Variants in MRPL19 observed in about 807,000 individuals in gnomAD.
MRPL19 encodes the protein large ribosomal subunit protein bL19m.
A neutral mutation model predicts 34.0 loss-of-function variants in MRPL19; 31 were observed. The observed-to-expected ratio is 0.91, with a 90% CI of 0.68 to 1.23. The LOEUF (loss-of-function observed/expected upper bound fraction) is 1.23, where lower values mean the gene tolerates loss of function less well. MRPL19 is among the 50% of genes most tolerant of loss of function. The pLI, the probability that MRPL19 is intolerant of heterozygous loss-of-function variation, is 0.00. For synonymous variants in MRPL19, 152 were observed against 127.7 expected (o/e 1.19, Z -1.28); for missense variants, 384 against 367.6 (o/e 1.04, Z -0.37).
chr2:75,657,447 T>C lies in MRPL19; in HGVS notation c.*2162T>C, dbSNP rs1678484487. The C allele has an allele frequency of 3.3e-5, 5 of 152,172 alleles. No individual in the cohort carries two copies. The highest frequency in any genetic ancestry group is 7.4e-5 in the Non-Finnish European group (5 of 68,020). The allele number at this position is 152,172 out of a possible 1,614,324, so 9.4% of individuals were successfully genotyped here. On this transcript the variant is annotated 3_prime_UTR_variant, in exon 6 of 6. Transcript: ENST00000393909. Reference sequence around the variant, plus strand: ...CTACTTCCTTGATCTTTTTCACTAATGATTATATAGTCATCTAACTACTGT... The same window carrying C: ...CTACTTCCTTGATCTTTTTCACTAACGATTATATAGTCATCTAACTACTGT...
At chr2:75,649,129 G>GATGA (rs919970736) in intron 2 of MRPL19, among the ~76,000 whole-genome samples, 1 of 152,180 alleles carries the variant, frequency 6.6e-6, no homozygotes, top group African/African-American at 2.4e-5. Flanking sequence ...AGAATCCAGA[G>GATGA]ATGAGATAGT....
chr2:75,655,167 T>TG lies in MRPL19; in HGVS notation c.762dup (p.Lys255GlufsTer12), dbSNP rs1036138405. On this transcript the variant is annotated frameshift_variant, in exon 6 of 6. Coordinates refer to ENST00000393909, the MANE Select transcript of MRPL19 (RefSeq NM_014763.4). LOFTEE classifies it high-confidence loss of function. ...GATCTTTGTTTAACTGAACAGCAAA[T>TG]GAAAGAAGCTCAGAAGTGGAATCAG... The TG allele has an allele frequency of 6.2e-7, 1 of 1,611,966 alleles. No homozygotes were observed. Among genetic ancestry groups the TG allele is most frequent in the African/African-American group, 1.3e-5 (1 of 74,574 alleles).
At chr2:75,647,274 G>T in intron 2 of MRPL19, 55 bp downstream of exon 2, 2 of 1,503,328 alleles carry the variant, frequency 1.3e-6, no homozygotes, top group Non-Finnish European at 1.8e-6. Flanking sequence ...GCGCGTGAGC[G>T]CGTTCGCGTT....
intron 2 of MRPL19, chr2:75,651,541 T>C: frequency 2.2e-6 from 1 of 462,276 alleles, no homozygotes. Context: ...AACCTTCATA[T>C]TCAAACTGGT....
Position 75,654,902 on chromosome 2 carries a change from A to C in MRPL19, c.642A>C (p.Lys214Asn). ...MKPVVQEPNQKVPVNELKVKM... is the reference protein window; with the variant it reads ...MKPVVQEPNQNVPVNELKVKM... ...CAGTAGTACAAGAGCCTAACCAAAA[A>C]GTTCCTGTTAATGAGGTATGGGTTA... Residue 214 changes from lysine to asparagine, a missense_variant, in exon 5 of 6, where the codon AAA becomes AAC. Transcript: ENST00000393909. 1 of 1,613,394 alleles carries C rather than the reference A, an allele frequency of 6.2e-7. No homozygotes were observed. Among genetic ancestry groups the C allele is most frequent in the Non-Finnish European group, 8.5e-7 (1 of 1,179,660 alleles).
In MRPL19 at chr2:75,652,537, G is replaced by A. The variant is rs201479406; in HGVS notation, c.355G>A (p.Val119Ile). ...PEFYVGSILRVTTADPYASGK... is the reference protein window; with the variant it reads ...PEFYVGSILRITTADPYASGK... ...TGAATTTGTAGGAAGTATTCTTCGT[G>A]TTACTACAGCTGACCCATATGCCAG... Residue 119 changes from valine (V) to isoleucine (I), a missense_variant, in exon 4 of 6, where the codon GTT becomes ATT. Transcript: ENST00000393909. The A allele has an allele frequency of 1.2e-4, 198 of 1,611,760 alleles. No individual in the cohort carries two copies. The highest frequency in any genetic ancestry group is 1.3e-4 in the Non-Finnish European group (150 of 1,179,336).
chr2:75,655,662 C>T lies in MRPL19; in HGVS notation c.*377C>T, dbSNP rs1205063370. On this transcript the variant is annotated 3_prime_UTR_variant, in exon 6 of 6. Coordinates refer to ENST00000393909, the MANE Select transcript of MRPL19 (RefSeq NM_014763.4). ...ACAGAATAATAAACATTCATGTACC[C>T]ACTATCAGGTTAAGAAATAGAACAT... 6.3e-6 allele frequency: 1 copy of T among 157,580 alleles called. No homozygotes were observed. Among genetic ancestry groups the T allele is most frequent in the Non-Finnish European group, 1.4e-5 (1 of 72,220 alleles). 9.8% of individuals were successfully genotyped at this position (157,580 alleles called of 1,614,324 possible).
At chr2:75,650,906 A>G (rs561289399) in intron 2 of MRPL19, among the ~76,000 whole-genome samples, 5 of 152,296 alleles carry the variant, frequency 3.3e-5, no homozygotes, top group African/African-American at 1.2e-4. Context: ...TAGCCTCTGG[A>G]CAGCACCTTC....
chr2:75,653,617 A>G (rs535871591), intron 4 of MRPL19, among the ~76,000 whole-genome samples: 38 of 152,336 alleles, frequency 2.5e-4, no homozygotes, highest in African/African-American at 7.9e-4. Context: ...TGCTTCCTGC[A>G]TTAGTGTTTC....
chr2:75,651,008 G>A (rs911299565), intron 2 of MRPL19, among the ~76,000 whole-genome samples: 10 of 152,172 alleles, frequency 6.6e-5, no homozygotes, highest in African/African-American at 2.2e-4. Context: ...GCTGTTCTGG[G>A]AAGATTCTTA....
At chr2:75,649,044 A>C (rs1295401069) in intron 2 of MRPL19, among the ~76,000 whole-genome samples, 3 of 152,216 alleles carry the variant, frequency 2.0e-5, no homozygotes, top group Non-Finnish European at 2.9e-5. Context: ...TGACAGAATA[A>C]GTTGTTCACA....
rs765286897 is a variant in MRPL19, at chr2:75,646,830, G to C, written c.23G>C (p.Gly8Ala). Residue 8 changes from glycine (G) to alanine (A), a missense_variant, in exon 1 of 6, where the codon GGG (glycine) becomes GCG (alanine). Physicochemically the swap from Gly to Ala is moderately conservative, Grantham distance 60 (BLOSUM62 0). Coordinates refer to ENST00000393909, the MANE Select transcript of MRPL19 (RefSeq NM_014763.4). The part of the protein sequence containing the change: MAACIAA[G>A]HWAAMGLGRS... ...GGCATGGCGGCCTGCATTGCAGCGG[G>C]GCACTGGGCTGCAATGGGCCTAGGC... is the stretch of plus-strand genomic sequence containing the variant. The C allele has an allele frequency of 8.4e-5, 133 of 1,574,702 alleles. No homozygotes were observed. The highest frequency in any genetic ancestry group is 1.1e-4 in the Non-Finnish European group (127 of 1,159,988).
intron 2 of MRPL19, among the ~76,000 whole-genome samples, chr2:75,650,863 A>G (rs2104127646): frequency 6.6e-6 from 1 of 152,320 alleles, no homozygotes; most frequent in Admixed American, 6.5e-5. Context: ...TACAACCACG[A>G]GACCCCAGGA....
rs1678519029 is a variant in MRPL19, at chr2:75,658,535, GATA to G, written c.*3253_*3255del. On this transcript the variant is annotated 3_prime_UTR_variant, in exon 6 of 6. Coordinates refer to ENST00000393909, the MANE Select transcript of MRPL19 (RefSeq NM_014763.4). ...GTATACATCTTGAGTAGAATTGCTA[GATA>G]ATGTCATGTTTTATTTCTCTTGTGA... Among the ~76,000 whole-genome samples the G allele has an allele frequency of 6.6e-6, 1 of 152,130 alleles. No individual in the cohort carries two copies. Among genetic ancestry groups the G allele is most frequent in the African/African-American group, 2.4e-5 (1 of 41,438 alleles).
At position 75,659,974 on chromosome 2, in the gene MRPL19, C is replaced by G. The variant is rs902326808; in HGVS notation, c.*4689C>G. Among the ~76,000 whole-genome samples, 2 of 151,920 alleles carry G rather than the reference C, an allele frequency of 1.3e-5. No individual in the cohort carries two copies. Among genetic ancestry groups the G allele is most frequent in the South Asian group, 4.1e-4 (2 of 4,830 alleles). ...ATTTTTTTCACTGCTTCTTTCTTTT[C>G]CTTCTGAAATATTCTTAATGTATAT... On this transcript the variant is annotated 3_prime_UTR_variant, in exon 6 of 6. Coordinates refer to ENST00000393909, the MANE Select transcript of MRPL19 (RefSeq NM_014763.4).
rs1678468771 is a variant in MRPL19 at position 75,656,967 on chromosome 2, C to T, written c.*1682C>T. Reference sequence around the variant, plus strand: ...TTTAGCTCAATCTTCCAACTCTTTGCTATTGTATTTTAAAATCTTAAGACC... The same window carrying T: ...TTTAGCTCAATCTTCCAACTCTTTGTTATTGTATTTTAAAATCTTAAGACC... On this transcript the variant is annotated 3_prime_UTR_variant, in exon 6 of 6. Coordinates refer to ENST00000393909, the MANE Select transcript of MRPL19 (RefSeq NM_014763.4). 6.6e-6 allele frequency: 1 copy of T among 152,048 alleles called. No homozygotes were observed. Among genetic ancestry groups the T allele is most frequent in the Non-Finnish European group, 1.5e-5 (1 of 67,994 alleles). 9.4% of individuals were successfully genotyped at this position (152,048 alleles called of 1,614,324 possible). A position where few individuals can be genotyped will look rare whatever the true frequency, so the allele number is the denominator to read the frequency against.
Position 75,655,259 on chromosome 2 carries a change from G to A in MRPL19, c.853G>A (p.Glu285Lys), listed in dbSNP as rs2104136932. The A allele has an allele frequency of 6.2e-7, 1 of 1,613,032 alleles. No individual in the cohort carries two copies. The highest frequency in any genetic ancestry group is 1.3e-5 in the African/African-American group (1 of 74,934). The change falls in exon 6 of 6, where the codon GAA (glutamate) becomes AAA (lysine). Residue 285 changes from glutamate to lysine, a missense_variant. Coordinates refer to ENST00000393909, the MANE Select transcript of MRPL19 (RefSeq NM_014763.4). The stretch of plus-strand genomic sequence containing the variant: ...AAAAATTGAAGCTGCAATATGGAAG[G>A]AAATTGAAGCGTCGAAAAGGTCTTG... ...TSKIEAAIWK[E>K]IEASKRS
At position 75,659,142 on chromosome 2, in the gene MRPL19, C is replaced by T. The variant is rs1248752910; in HGVS notation, c.*3857C>T. ...TTTTTTGTAGTGAACTAGTCTGATTCTCTTTCCACTCCCCTTTGTGTATAT... is the reference window on the plus strand; with the variant it reads ...TTTTTTGTAGTGAACTAGTCTGATTTTCTTTCCACTCCCCTTTGTGTATAT... On this transcript the variant is annotated 3_prime_UTR_variant, in exon 6 of 6. Coordinates refer to ENST00000393909, the MANE Select transcript of MRPL19 (RefSeq NM_014763.4). Among the ~76,000 whole-genome samples the T allele has an allele frequency of 6.6e-6, 1 of 151,866 alleles. No homozygotes were observed.
chr2:75,646,965 G>C (rs41285999), intron 1 of MRPL19, 55 bp downstream of exon 1: 31 of 1,504,172 alleles, frequency 2.1e-5, no homozygotes, highest in East Asian at 7.2e-5. Context: ...GGGTCAGGAT[G>C]GGGGAGGCGA....
Sources: gnomAD v4.1 joint callset for allele counts (sites outside exome capture counted in the v4.1 genomes callset) on GRCh38, gnomAD v4.1.1 for gene constraint, MANE v1.5 for transcripts, NCBI Gene and HGNC (gene_info 2026-07-23, HGNC 2026-07-21) for gene names.